The following DOCK8 variants were observed in gnomAD, a reference collection of about 807,000 sequenced individuals.
The protein encoded by DOCK8 is dedicator of cytokinesis protein 8.
Under a neutral mutation model 245.6 loss-of-function variants are expected in DOCK8, and 141 were observed. That is an observed-to-expected ratio of 0.57 (90% confidence interval 0.50 to 0.66). The LOEUF (loss-of-function observed/expected upper bound fraction) is 0.66. Ranked by LOEUF, DOCK8 falls within the 30% of genes least tolerant of loss-of-function variation. The probability of loss-of-function intolerance (pLI) is 0.00; values close to 1 mark genes in which losing one functional copy is unlikely to be tolerated. For missense variants in DOCK8, 2,965 were observed against 2,603.4 expected, an observed-to-expected ratio of 1.14 and a Z score of -3.02; for synonymous variants, 1,168 against 970.2, an observed-to-expected ratio of 1.20 and a Z score of -3.79.
intron 28 of DOCK8, among the ~76,000 whole-genome samples, chr9:410,612 A>G (rs1299224222): frequency 6.6e-6 from 1 of 152,252 alleles, no homozygotes; most frequent in Non-Finnish European, 1.5e-5. Flanking sequence ...GAATAGTTTA[A>G]TAAATATGTG....
chr9:297,489 G>A (rs2130482316), intron 4 of DOCK8, among the ~76,000 whole-genome samples: 1 of 152,318 alleles, frequency 6.6e-6, no homozygotes, highest in South Asian at 2.1e-4. Flanking sequence ...TTCATTTCAT[G>A]AGAATCATTT....
In DOCK8 at chr9:286,638, T is replaced by A; in HGVS notation, c.332+2T>A. The A allele has an allele frequency of 6.2e-7, 1 of 1,613,560 alleles. No individual in the cohort carries two copies. The highest frequency in any genetic ancestry group is 8.5e-7 in the Non-Finnish European group (1 of 1,179,660). On this transcript the variant is annotated splice_donor_variant, in intron 3 of 47. Coordinates refer to ENST00000432829, the MANE Select transcript of DOCK8 (RefSeq NM_203447.4). LOFTEE classifies it high-confidence loss of function. ...GCAGCCCTCTTTGCCGGAGGAAGGGTAAATAGTTTTCTAAAATGTAGATGT... is the reference window on the plus strand; with the variant it reads ...GCAGCCCTCTTTGCCGGAGGAAGGGAAAATAGTTTTCTAAAATGTAGATGT...
Position 449,809 on chromosome 9 carries a change from C to A in DOCK8, c.5843C>A (p.Ala1948Asp). 6.2e-7 allele frequency: 1 copy of A among 1,613,088 alleles called. No homozygotes were observed. Among genetic ancestry groups the A allele is most frequent in the Non-Finnish European group, 8.5e-7 (1 of 1,180,014 alleles). The change falls in exon 45 of 48, where the codon GCC becomes GAC. Residue 1948 changes from alanine (A) to aspartate (D), a missense_variant. Transcript: ENST00000432829. Reference protein sequence around the residue: ...EEFVLTPIEVAIEDMKKKTLQ... With the variant: ...EEFVLTPIEVDIEDMKKKTLQ... ...TTTGTTTTGACACCGATTGAAGTTG[C>A]CATTGAAGACATGAAGAAGAAGACC... is the stretch of plus-strand genomic sequence containing the variant.
intron 28 of DOCK8, among the ~76,000 whole-genome samples, chr9:408,888 GCACACA>G (rs1322073009): frequency 1.9e-3 from 200 of 105,304 alleles, no homozygotes; most frequent in African/African-American, 9.5e-3. Context: ...ACACACACAC[GCACACA>G]CGCGCGTGCA....
At position 303,624 on chromosome 9, in the gene DOCK8, C is replaced by T. The variant is rs1435915580; in HGVS notation, c.405-957C>T. Among the ~76,000 whole-genome samples, 6 of 152,236 alleles carry T rather than the reference C, an allele frequency of 3.9e-5. No individual in the cohort carries two copies. In the East Asian group the frequency reaches 9.6e-4, roughly 24 times the overall value. ...ATGGGCATAAAGATAACACGGTAGA[C>T]ACCAGGGATTACTAAAGAAGGGAGG... On this transcript the variant is annotated intron_variant, in intron 4 of 47. Transcript: ENST00000432829.
chr9:405,157 G>A, intron 27 of DOCK8, 84 bp downstream of exon 27: 10 of 1,388,390 alleles, frequency 7.2e-6, no homozygotes, highest in Non-Finnish European at 9.0e-6. Flanking sequence ...TTCCTATAAA[G>A]GTTAGTCTTA....
intron 1 of DOCK8, among the ~76,000 whole-genome samples, chr9:221,227 A>G (rs1295085704): frequency 6.6e-6 from 1 of 152,158 alleles, no homozygotes; most frequent in Non-Finnish European, 1.5e-5. Flanking sequence ...ATTAAACCCA[A>G]GATTAGAAAG....
intron 24 of DOCK8, among the ~76,000 whole-genome samples, chr9:396,090 A>T (rs906063611): frequency 6.6e-6 from 1 of 152,068 alleles, no homozygotes; most frequent in Non-Finnish European, 1.5e-5. Flanking sequence ...GACTGTCTGC[A>T]TTATGTAACT....
At chr9:324,052 T>C (rs531617211) in intron 7 of DOCK8, among the ~76,000 whole-genome samples, 1 of 152,346 alleles carries the variant, frequency 6.6e-6, no homozygotes, top group East Asian at 1.9e-4. Flanking sequence ...GCAAGCATCC[T>C]TACCTTATTT....
chr9:419,553 T>C (rs895158749), intron 30 of DOCK8, among the ~76,000 whole-genome samples: 4 of 152,218 alleles, frequency 2.6e-5, no homozygotes, highest in African/African-American at 9.6e-5. Context: ...AAACTCAGAA[T>C]AACTAAAGTT....
chr9:375,826 A>G (rs1025463983), intron 18 of DOCK8, among the ~76,000 whole-genome samples: 3 of 152,118 alleles, frequency 2.0e-5, no homozygotes, highest in Non-Finnish European at 4.4e-5. Flanking sequence ...GTGAAACCAC[A>G]TTTCTACAAA....
At chr9:407,315 T>G (rs1466082103) in intron 28 of DOCK8, among the ~76,000 whole-genome samples, 1 of 152,196 alleles carries the variant, frequency 6.6e-6, no homozygotes, top group Non-Finnish European at 1.5e-5. Flanking sequence ...GTCAACTATT[T>G]CAGTGGAATT....
chr9:450,429 T>G (rs79166809), intron 45 of DOCK8, among the ~76,000 whole-genome samples: 8,136 of 152,206 alleles, frequency 0.053, 287 homozygotes, highest in South Asian at 0.18. Flanking sequence ...TTAGGCTACT[T>G]CAGACAAGAC....
At chr9:396,278 A>C (rs968875478) in intron 24 of DOCK8, among the ~76,000 whole-genome samples, 2 of 152,218 alleles carry the variant, frequency 1.3e-5, no homozygotes, top group African/African-American at 4.8e-5. Flanking sequence ...GTTTCTGGAA[A>C]AACTGTGCTC....
chr9:243,901 C>G lies in DOCK8; in HGVS notation c.54-27726C>G, dbSNP rs117962516. 4.3e-4 allele frequency among the ~76,000 whole-genome samples: 65 copies of G among 152,134 alleles called. No individual in the cohort carries two copies. The East Asian group carries it at 0.011, about 26-fold the overall frequency. Reference sequence around the variant, plus strand: ...TATTGACATGATTTTAATGTCAGCTCTCGCCGGGCGCGGTGGCTCATGCCT... The same window carrying G: ...TATTGACATGATTTTAATGTCAGCTGTCGCCGGGCGCGGTGGCTCATGCCT... On this transcript the variant is annotated intron_variant, in intron 1 of 47. Transcript: ENST00000432829.
intron 3 of DOCK8, among the ~76,000 whole-genome samples, chr9:287,377 G>A (rs1203154517): frequency 6.6e-6 from 1 of 152,122 alleles, no homozygotes; most frequent in East Asian, 1.9e-4. Flanking sequence ...ATGTCTCTTT[G>A]GAGGTTTAGG....
At chr9:400,213 A>T (rs2054784842) in intron 26 of DOCK8, among the ~76,000 whole-genome samples, 1 of 113,110 alleles carries the variant, frequency 8.8e-6, no homozygotes, top group Non-Finnish European at 1.9e-5. Context: ...CACCACCTCC[A>T]CTATCACCAC....
At chr9:346,776 G>A (rs996470486) in intron 14 of DOCK8, among the ~76,000 whole-genome samples, 7 of 152,098 alleles carry the variant, frequency 4.6e-5, no homozygotes, top group Admixed American at 2.0e-4. Context: ...TCTCTTCTGC[G>A]GGGGAAAAGG....
At chr9:432,042 A>G (rs2056731837) in intron 36 of DOCK8, 124 bp from the exon 37 acceptor site, 10 of 971,768 alleles carry the variant, frequency 1.0e-5, no homozygotes, top group Non-Finnish European at 1.6e-5. Context: ...GAGAAGAGGA[A>G]ATAATTAAGA....
Sources: gnomAD v4.1 joint callset for allele counts (sites outside exome capture counted in the v4.1 genomes callset) on GRCh38, gnomAD v4.1.1 for gene constraint, MANE v1.5 for transcripts, NCBI Gene and HGNC (gene_info 2026-07-23, HGNC 2026-07-21) for gene names.